Variants in ROCK1 observed in about 807,000 individuals in gnomAD.
ROCK1 encodes the protein rho-associated protein kinase 1.
A neutral mutation model predicts 196.8 loss-of-function variants in ROCK1; 36 were observed. The observed-to-expected ratio is 0.18, with a 90% CI of 0.14 to 0.24. The LOEUF (loss-of-function observed/expected upper bound fraction) is 0.24. Ranked by LOEUF, ROCK1 falls within the 10% of genes least tolerant of loss-of-function variation. ROCK1 has a pLI of 1.00. For synonymous variants in ROCK1, 443 were observed against 515.9 expected, an observed-to-expected ratio of 0.86 and a Z score of 1.91; for missense variants, 920 against 1,562.0, an observed-to-expected ratio of 0.59 and a Z score of 6.93.
intron 9 of ROCK1, among the ~76,000 whole-genome samples, chr18:21,037,792 G>C (rs1357263567): frequency 6.6e-6 from 1 of 152,088 alleles, no homozygotes; most frequent in African/African-American, 2.4e-5. Context: ...CTCCAGAAGG[G>C]AGAAAGAAAA....
intron 9 of ROCK1, among the ~76,000 whole-genome samples, chr18:21,029,170 C>A (rs544005831): frequency 3.9e-5 from 6 of 152,210 alleles, no homozygotes; most frequent in African/African-American, 1.2e-4. Flanking sequence ...ATTATCTATA[C>A]CTTGGGTTTA....
At chr18:21,046,853 A>T (rs2036164713) in intron 4 of ROCK1, among the ~76,000 whole-genome samples, 1 of 151,818 alleles carries the variant, frequency 6.6e-6, no homozygotes, top group African/African-American at 2.4e-5. Context: ...CTTTGTTTTG[A>T]TTTTTTGTTT....
chr18:21,104,543 G>A (rs992450121), intron 1 of ROCK1, among the ~76,000 whole-genome samples: 10 of 152,164 alleles, frequency 6.6e-5, no homozygotes, highest in East Asian at 1.9e-4. Flanking sequence ...CTTGCAGTAA[G>A]CCAAGATAGC....
intron 2 of ROCK1, among the ~76,000 whole-genome samples, chr18:21,063,511 C>T (rs564854760): frequency 6.6e-6 from 1 of 152,064 alleles, no homozygotes; most frequent in African/African-American, 2.4e-5. Context: ...TGGTACTTTC[C>T]AGGAAATAAA....
intron 16 of ROCK1, 108 bp downstream of exon 16, chr18:21,006,243 C>A: frequency 1.2e-6 from 1 of 821,706 alleles, no homozygotes; most frequent in Non-Finnish European, 1.9e-6. Context: ...TGGTTGCATA[C>A]ATTGTGAACT....
At chr18:20,989,243 A>T (rs1326379676) in intron 18 of ROCK1, among the ~76,000 whole-genome samples, 1 of 152,246 alleles carries the variant, frequency 6.6e-6, no homozygotes, top group Admixed American at 6.5e-5. Flanking sequence ...TTCTATGCAC[A>T]GGCACTTTAC....
chr18:20,958,617 C>T (rs1367916615), intron 29 of ROCK1, among the ~76,000 whole-genome samples: 1 of 150,970 alleles, frequency 6.6e-6, no homozygotes, highest in East Asian at 1.9e-4. Flanking sequence ...CCAAAGAATC[C>T]TACACAGTTG....
At chr18:20,983,468 A>G (rs1349644093) in intron 20 of ROCK1, among the ~76,000 whole-genome samples, 2 of 151,884 alleles carry the variant, frequency 1.3e-5, no homozygotes, top group African/African-American at 2.4e-5. Flanking sequence ...TGGAAACCCA[A>G]TGTAACCCAA....
chr18:21,051,159 A>C (rs2036201000), intron 2 of ROCK1, among the ~76,000 whole-genome samples: 1 of 152,178 alleles, frequency 6.6e-6, no homozygotes, highest in South Asian at 2.1e-4. Flanking sequence ...GAATGAAAGA[A>C]AGAACAGGCC....
chr18:21,008,239 G>A (rs1254599785), intron 13 of ROCK1, 45 bp from the exon 14 acceptor site: 6 of 1,370,232 alleles, frequency 4.4e-6, no homozygotes, highest in Non-Finnish European at 5.9e-6. Flanking sequence ...TAATACTCTG[G>A]TCATTCATTC....
chr18:21,108,080 C>T (rs1263582998), intron 1 of ROCK1, among the ~76,000 whole-genome samples: 2 of 151,884 alleles, frequency 1.3e-5, no homozygotes, highest in African/African-American at 2.4e-5. Flanking sequence ...AAAATTCAGT[C>T]TTTACCAAGT....
intron 16 of ROCK1, among the ~76,000 whole-genome samples, chr18:21,003,817 G>T (rs969126510): frequency 1.3e-5 from 2 of 151,900 alleles, no homozygotes; most frequent in Non-Finnish European, 2.9e-5. Context: ...TCAGATTTGG[G>T]ATACTCAACT....
chr18:20,956,310 A>G (rs2035241593), intron 29 of ROCK1, among the ~76,000 whole-genome samples: 1 of 152,238 alleles, frequency 6.6e-6, no homozygotes, highest in Non-Finnish European at 1.5e-5. Context: ...TCTAGATAAT[A>G]TCTAATATAA....
intron 9 of ROCK1, among the ~76,000 whole-genome samples, chr18:21,037,039 T>G (rs900462060): frequency 1.3e-5 from 2 of 152,166 alleles, no homozygotes; most frequent in African/African-American, 4.8e-5. Flanking sequence ...TCAAAGGCTT[T>G]GGAGTTAAGA....
intron 9 of ROCK1, 34 bp from the exon 10 acceptor site, chr18:21,028,969 A>T (rs752632325): frequency 6.3e-7 from 1 of 1,591,754 alleles, no homozygotes; most frequent in Admixed American, 1.9e-5. Flanking sequence ...GTTCACTTCA[A>T]ACTTAAAATA....
chr18:21,017,874 G>A (rs1194915328), intron 12 of ROCK1, among the ~76,000 whole-genome samples: 1 of 151,804 alleles, frequency 6.6e-6, no homozygotes, highest in Non-Finnish European at 1.5e-5. Flanking sequence ...TCGGGAGGCT[G>A]AGGCAGGAGA....
At position 21,019,727 on chromosome 18, in the gene ROCK1, G is replaced by A. The variant is rs550361124; in HGVS notation, c.1361+424C>T. Among the ~76,000 whole-genome samples the A allele has an allele frequency of 8.6e-5, 13 of 151,774 alleles. No homozygotes were observed. The East Asian group carries it at 2.0e-3, about 23-fold the overall frequency. ...GCAGGAGAATGGCGTGAACCCGGGA[G>A]GCGGAGCTTGCAGTGAGCCAAGATC... On this transcript the variant is annotated intron_variant, in intron 12 of 32. Coordinates refer to ENST00000399799, the MANE Select transcript of ROCK1 (RefSeq NM_005406.3).
intron 18 of ROCK1, 72 bp downstream of exon 18, chr18:20,991,104 T>C: frequency 1.5e-6 from 2 of 1,298,412 alleles, no homozygotes; most frequent in East Asian, 2.3e-5. Flanking sequence ...GTACAAAATT[T>C]TGACCAAAAC....
intron 11 of ROCK1, among the ~76,000 whole-genome samples, chr18:21,023,386 T>C (rs114015462): frequency 1.6e-3 from 251 of 152,234 alleles, no homozygotes; most frequent in African/African-American, 5.9e-3. Context: ...AGATGACCAC[T>C]GTCAATCTGT....
Sources: allele counts gnomAD v4.1 joint callset (sites outside exome capture counted in the v4.1 genomes callset), GRCh38; gene constraint gnomAD v4.1.1; transcripts MANE v1.5; gene names NCBI Gene and HGNC (gene_info 2026-07-23, HGNC 2026-07-21).